Variants in NCOA3 observed in about 807,000 individuals in gnomAD.
NCOA3 encodes CBP-interacting protein.
Under a neutral mutation model 158.8 loss-of-function variants are expected in NCOA3, and 51 were observed. The observed-to-expected ratio is 0.32, with a 90% confidence interval of 0.26 to 0.41. The LOEUF is 0.41. Ranked by LOEUF, NCOA3 falls within the 10% of genes least tolerant of loss-of-function variation. The pLI is 1.00. For missense variants in NCOA3, 1,510 were observed against 1,746.6 expected (o/e 0.86, Z 2.41); for synonymous variants, 537 against 592.4 (o/e 0.91, Z 1.36).
In NCOA3 at chr20:47,653,082, C is replaced by T. The variant is rs768587303; in HGVS notation, c.4263+10C>T. 2.5e-6 allele frequency: 4 copies of T among 1,613,504 alleles called. No individual in the cohort carries two copies. The highest frequency in any genetic ancestry group is 1.7e-5 in the Admixed American group (1 of 59,854). On this transcript the variant is annotated intron_variant, in intron 22 of 22. Coordinates refer to ENST00000371998, the MANE Select transcript of NCOA3 (RefSeq NM_181659.3). ...TATGGGTCCTGATCAGGTATGGGATCGATTCCTTACCTTTTTCAAAAAGTT... is the reference window on the plus strand; with the variant it reads ...TATGGGTCCTGATCAGGTATGGGATTGATTCCTTACCTTTTTCAAAAAGTT...
chr20:47,539,269 G>A (rs898358815), intron 1 of NCOA3, among the ~76,000 whole-genome samples: 3 of 152,188 alleles, frequency 2.0e-5, no homozygotes, highest in African/African-American at 7.2e-5. Flanking sequence ...GATCCCAAGA[G>A]TTTGAGGCTG....
At chr20:47,647,906 TTTG>T (rs908163571) in intron 18 of NCOA3, among the ~76,000 whole-genome samples, 15 of 130,502 alleles carry the variant, frequency 1.1e-4, no homozygotes, top group Non-Finnish European at 2.3e-4. Context: ...TGTTTGTTTG[TTTG>T]TTTTGTTTTG....
At chr20:47,593,167 A>G (rs1312849244) in intron 2 of NCOA3, among the ~76,000 whole-genome samples, 2 of 151,690 alleles carry the variant, frequency 1.3e-5, no homozygotes, top group Non-Finnish European at 2.9e-5. Context: ...TCCTGACCTC[A>G]GGTGATCCAC....
chr20:47,627,507 T>G, intron 6 of NCOA3, 54 bp from the exon 7 acceptor site: 2 of 1,367,000 alleles, frequency 1.5e-6, no homozygotes, highest in South Asian at 2.6e-5. Context: ...TTGATGATGG[T>G]CATAGAATGA....
At position 47,623,903 on chromosome 20, in the gene NCOA3, T is replaced by TC; in HGVS notation, c.84-5dup. 2 of 1,604,634 alleles carry TC rather than the reference T, an allele frequency of 1.2e-6. No homozygotes were observed. The highest frequency in any genetic ancestry group is 1.7e-6 in the Non-Finnish European group (2 of 1,177,862). ...TCCTTTCCCCCCTTTCTACGCCTTTTCCCTTAGTCTTACCTGCAGTGGTGA... is the reference window on the plus strand; with the variant it reads ...TCCTTTCCCCCCTTTCTACGCCTTTTCCCCTTAGTCTTACCTGCAGTGGTGA... On this transcript the variant is annotated splice_region_variant and splice_polypyrimidine_tract_variant and intron_variant, in intron 3 of 22. Transcript: ENST00000371998.
chr20:47,513,939 C>T (rs558450987), intron 1 of NCOA3, among the ~76,000 whole-genome samples: 45 of 151,882 alleles, frequency 3.0e-4, no homozygotes, highest in African/African-American at 9.4e-4. Context: ...AAAATATAGG[C>T]GAAATGCTTA....
chr20:47,520,198 A>G (rs566311454), intron 1 of NCOA3, among the ~76,000 whole-genome samples: 21 of 152,150 alleles, frequency 1.4e-4, no homozygotes, highest in African/African-American at 4.8e-4. Flanking sequence ...AAGACCTTCA[A>G]TTATCAATTA....
Position 47,653,585 on chromosome 20 carries a change from G to C in NCOA3, c.*168G>C. The C allele has an allele frequency of 2.6e-6, 2 of 783,362 alleles. No individual in the cohort carries two copies. The highest frequency in any genetic ancestry group is 4.2e-6 in the Non-Finnish European group (2 of 474,752). 48.5% of individuals were successfully genotyped at this position (783,362 alleles called of 1,614,324 possible). A position where few individuals can be genotyped will look rare whatever the true frequency, so the allele number is the denominator to read the frequency against. On this transcript the variant is annotated 3_prime_UTR_variant, in exon 23 of 23. Transcript: ENST00000371998. ...TCATTTGAGCAGGACTGGATTTTAAGCCGAAGGGCAATATCTACGTGTTTT... is the reference window on the plus strand; with the variant it reads ...TCATTTGAGCAGGACTGGATTTTAACCCGAAGGGCAATATCTACGTGTTTT...
At chr20:47,579,569 T>A (rs192400390) in intron 1 of NCOA3, among the ~76,000 whole-genome samples, 4 of 152,334 alleles carry the variant, frequency 2.6e-5, no homozygotes, top group Admixed American at 6.5e-5. Flanking sequence ...TTACTAACAG[T>A]TCTATACTTA....
chr20:47,568,654 G>T (rs989072814), intron 1 of NCOA3, among the ~76,000 whole-genome samples: 1 of 152,064 alleles, frequency 6.6e-6, no homozygotes, highest in Admixed American at 6.6e-5. Flanking sequence ...TTAACCAGGC[G>T]TGGTGGTGGT....
chr20:47,639,519 G>C, intron 14 of NCOA3, 58 bp from the exon 15 acceptor site: 1 of 1,593,900 alleles, frequency 6.3e-7, no homozygotes, highest in Non-Finnish European at 8.5e-7. Flanking sequence ...TACTTACATG[G>C]TATAAGAAGG....
Position 47,653,493 on chromosome 20 carries a change from T to C in NCOA3, c.*76T>C, listed in dbSNP as rs1251993528. The C allele has an allele frequency of 2.6e-6, 4 of 1,514,476 alleles. No individual in the cohort carries two copies. The highest frequency in any genetic ancestry group is 1.7e-4 in the Middle Eastern group (1 of 5,794). The allele number at this position is 1,514,476 out of a possible 1,614,324, so 93.8% of individuals were successfully genotyped here. ...ACTAGGATTATTGGGAAGGAATCAT[T>C]GTTCCAGGCATCCATCTTGGAAGAA... is the stretch of plus-strand genomic sequence containing the variant. On this transcript the variant is annotated 3_prime_UTR_variant, in exon 23 of 23. Coordinates refer to ENST00000371998, the MANE Select transcript of NCOA3 (RefSeq NM_181659.3).
chr20:47,647,474 T>G, intron 18 of NCOA3, 108 bp downstream of exon 18: 1 of 1,057,060 alleles, frequency 9.5e-7, no homozygotes, highest in South Asian at 1.7e-5. Flanking sequence ...ACTAAAGAAA[T>G]TCTTTTTGTT....
chr20:47,515,482 T>A (rs1216213362), intron 1 of NCOA3, among the ~76,000 whole-genome samples: 5 of 148,702 alleles, frequency 3.4e-5, no homozygotes, highest in Admixed American at 3.4e-4. Flanking sequence ...CTTTTTTTTT[T>A]TTTTTTTTCT....
Position 47,640,036 on chromosome 20 carries a change from A to G in NCOA3, c.3065A>G (p.His1022Arg), listed in dbSNP as rs1024784392. The G allele has an allele frequency of 1.2e-6, 2 of 1,614,090 alleles. No homozygotes were observed. Among genetic ancestry groups the G allele is most frequent in the Non-Finnish European group, 1.7e-6 (2 of 1,179,936 alleles). The change falls in exon 16 of 23, where the codon CAT (histidine) becomes CGT (arginine). Residue 1022 changes from histidine (H) to arginine (R), a missense_variant. Around this residue, in one of 4 missense-constraint regions of NCOA3, gnomAD observed 1,017 missense variants for 1,098.3 expected, o/e 0.93. Coordinates refer to ENST00000371998, the MANE Select transcript of NCOA3 (RefSeq NM_181659.3). ...ATGTTGTCCATGGAACAAGTTTCTC[A>G]TGGCACTCAAAATAGGTGGGGTGTT... ...DGMLSMEQVSHGTQNRPLLRN... is the reference protein window; with the variant it reads ...DGMLSMEQVSRGTQNRPLLRN...
At chr20:47,582,933 T>C (rs2085477287) in intron 1 of NCOA3, among the ~76,000 whole-genome samples, 1 of 152,220 alleles carries the variant, frequency 6.6e-6, no homozygotes, top group Non-Finnish European at 1.5e-5. Context: ...TAGTTGGGAT[T>C]ACAGGCGGAT....
chr20:47,570,933 T>TACACAC (rs772303791), intron 1 of NCOA3, among the ~76,000 whole-genome samples: 2 of 99,174 alleles, frequency 2.0e-5, no homozygotes, highest in African/African-American at 8.8e-5. Context: ...TGAGCAGTAA[T>TACACAC]ATATATACAC....
intron 2 of NCOA3, among the ~76,000 whole-genome samples, chr20:47,611,499 T>C (rs1317895675): frequency 6.6e-6 from 1 of 151,772 alleles, no homozygotes; most frequent in African/African-American, 2.4e-5. Flanking sequence ...AATACTGGGG[T>C]TTAAAAAATC....
In NCOA3 at chr20:47,634,078, T is replaced by C. The variant is rs2086466681; in HGVS notation, c.995T>C (p.Val332Ala). The C allele has an allele frequency of 1.2e-6, 2 of 1,614,154 alleles. No homozygotes were observed. Among genetic ancestry groups the C allele is most frequent in the African/African-American group, 1.3e-5 (1 of 75,040 alleles). Residue 332 changes from valine (V) to alanine (A), a missense_variant, in exon 10 of 23, where the codon GTA (valine) becomes GCA (alanine). Val to Ala is a moderately conservative substitution (Grantham distance 64, BLOSUM62 0). Around this residue, in one of 4 missense-constraint regions of NCOA3, gnomAD observed 309 missense variants for 427.1 expected, o/e 0.72. Coordinates refer to ENST00000371998, the MANE Select transcript of NCOA3 (RefSeq NM_181659.3). ...AYLNGHAETP[V>A]YRFSLADGTI... ...CTTAATGGCCATGCAGAAACCCCAGTATATCGATTCTCGTTGGCTGATGGA... is the reference window on the plus strand; with the variant it reads ...CTTAATGGCCATGCAGAAACCCCAGCATATCGATTCTCGTTGGCTGATGGA...
Sources: allele counts gnomAD v4.1 joint callset (sites outside exome capture counted in the v4.1 genomes callset), GRCh38; gene constraint gnomAD v4.1.1; regional missense constraint gnomAD v4.1.1; transcripts MANE v1.5; gene names NCBI Gene and HGNC (gene_info 2026-07-23, HGNC 2026-07-21).